Variants in IQGAP2 observed in about 807,000 individuals in gnomAD.
IQGAP2 encodes ras GTPase-activating-like protein IQGAP2.
IQGAP2 carries 173 observed loss-of-function variants against 201.3 expected under a neutral mutation model. That is an observed-to-expected ratio of 0.86 (90% CI 0.76 to 0.98). IQGAP2 has a LOEUF of 0.98. Among genes scored for constraint, IQGAP2 ranks in the 50% least tolerant of loss-of-function variants. The probability of loss-of-function intolerance (pLI) is 0.00; values close to 1 mark genes in which losing one functional copy is unlikely to be tolerated. For missense variants in IQGAP2, 1,687 were observed against 1,864.8 expected (o/e 0.90, Z 1.76); for synonymous variants, 675 against 673.9 (o/e 1.00, Z -0.03).
chr5:76,536,365 C>G (rs1054006413), intron 2 of IQGAP2, among the ~76,000 whole-genome samples: 7 of 150,588 alleles, frequency 4.6e-5, no homozygotes, highest in African/African-American at 1.7e-4. Context: ...GCTACCACGC[C>G]TGGCTTCCAG....
chr5:76,680,158 A>G (rs138873681), intron 28 of IQGAP2, among the ~76,000 whole-genome samples: 424 of 152,354 alleles, frequency 2.8e-3, no homozygotes, highest in African/African-American at 9.7e-3. Context: ...ATAAAGACTA[A>G]TGGGATAGAA....
At chr5:76,467,463 G>A (rs185648364) in intron 2 of IQGAP2, among the ~76,000 whole-genome samples, 9 of 152,212 alleles carry the variant, frequency 5.9e-5, no homozygotes, top group South Asian at 4.1e-4. Flanking sequence ...ACCCACCAGC[G>A]TAGCTATAAT....
At chr5:76,519,884 C>G (rs1758560598) in intron 2 of IQGAP2, among the ~76,000 whole-genome samples, 1 of 152,064 alleles carries the variant, frequency 6.6e-6, no homozygotes, top group Admixed American at 6.5e-5. Flanking sequence ...CTTTAAAATT[C>G]GGCTTTCTTA....
chr5:76,481,213 T>C (rs1307892084), intron 2 of IQGAP2, among the ~76,000 whole-genome samples: 1 of 152,130 alleles, frequency 6.6e-6, no homozygotes, highest in Non-Finnish European at 1.5e-5. Flanking sequence ...CAATATTGTC[T>C]CTACCGGGGC....
chr5:76,613,869 A>G (rs763630009), intron 13 of IQGAP2, among the ~76,000 whole-genome samples: 24 of 151,996 alleles, frequency 1.6e-4, no homozygotes, highest in Admixed American at 1.2e-3. Flanking sequence ...TAATTTTTGT[A>G]TTTTGTAGAG....
At chr5:76,494,291 A>C (rs976581742) in intron 2 of IQGAP2, among the ~76,000 whole-genome samples, 3 of 152,208 alleles carry the variant, frequency 2.0e-5, no homozygotes, top group Non-Finnish European at 4.4e-5. Context: ...TTTGAAAGCG[A>C]CTTTTCAAAT....
At chr5:76,598,578 G>T (rs964889507) in intron 10 of IQGAP2, among the ~76,000 whole-genome samples, 14 of 152,188 alleles carry the variant, frequency 9.2e-5, no homozygotes, top group African/African-American at 3.1e-4. Flanking sequence ...CGTAGGGATA[G>T]ATATGGGGCC....
intron 2 of IQGAP2, among the ~76,000 whole-genome samples, chr5:76,512,880 C>T (rs1258683310): frequency 6.6e-6 from 1 of 152,094 alleles, no homozygotes; most frequent in Non-Finnish European, 1.5e-5. Flanking sequence ...CATGGCAAAA[C>T]CCCATCTCTA....
chr5:76,581,278 A>G (rs1299691231), intron 5 of IQGAP2, among the ~76,000 whole-genome samples: 1 of 152,224 alleles, frequency 6.6e-6, no homozygotes, highest in Non-Finnish European at 1.5e-5. Flanking sequence ...TTCCTTCCCT[A>G]AGAAACTGAT....
At chr5:76,426,701 C>T (rs548379969) in intron 1 of IQGAP2, among the ~76,000 whole-genome samples, 23 of 152,232 alleles carry the variant, frequency 1.5e-4, no homozygotes, top group African/African-American at 4.8e-4. Flanking sequence ...GGGCGCTGGA[C>T]GAGAGGATCA....
intron 1 of IQGAP2, among the ~76,000 whole-genome samples, chr5:76,422,563 A>G (rs1166729990): frequency 1.3e-5 from 2 of 152,204 alleles, no homozygotes; most frequent in Non-Finnish European, 2.9e-5. Context: ...ACAAGAGAAA[A>G]TGTTGGCTCT....
intron 15 of IQGAP2, among the ~76,000 whole-genome samples, chr5:76,634,756 C>G (rs1296214172): frequency 6.6e-6 from 1 of 152,184 alleles, no homozygotes. Flanking sequence ...GAAACATCTA[C>G]CATTTGGTGG....
intron 2 of IQGAP2, among the ~76,000 whole-genome samples, chr5:76,469,399 A>ATTT (rs747233500): frequency 6.8e-6 from 1 of 146,784 alleles, no homozygotes; most frequent in Non-Finnish European, 1.5e-5. Context: ...CAAAAAATGA[A>ATTT]TTTTTTTTTT....
chr5:76,463,513 T>C (rs1754606815), intron 2 of IQGAP2, among the ~76,000 whole-genome samples: 1 of 152,238 alleles, frequency 6.6e-6, no homozygotes, highest in African/African-American at 2.4e-5. Context: ...GAAAGTATTC[T>C]GTAAGCTATA....
At chr5:76,484,704 G>A (rs945243717) in intron 2 of IQGAP2, among the ~76,000 whole-genome samples, 1 of 152,182 alleles carries the variant, frequency 6.6e-6, no homozygotes, top group African/African-American at 2.4e-5. Flanking sequence ...AGGCTGGAGT[G>A]CAGTGGCTCA....
intron 33 of IQGAP2, among the ~76,000 whole-genome samples, chr5:76,698,761 G>A (rs1746986144): frequency 6.6e-6 from 1 of 152,070 alleles, no homozygotes; most frequent in South Asian, 2.1e-4. Context: ...ATTTAAATAT[G>A]TAGTACAATA....
chr5:76,532,348 T>G (rs1402745037), intron 2 of IQGAP2, among the ~76,000 whole-genome samples: 1 of 151,958 alleles, frequency 6.6e-6, no homozygotes, highest in Non-Finnish European at 1.5e-5. Flanking sequence ...CATTATAAGA[T>G]GAAAAAGAAA....
intron 2 of IQGAP2, among the ~76,000 whole-genome samples, chr5:76,553,418 A>G (rs1743698152): frequency 6.6e-6 from 1 of 152,220 alleles, no homozygotes; most frequent in Non-Finnish European, 1.5e-5. Flanking sequence ...CTTGGCCAGC[A>G]GTTCTACCGT....
chr5:76,626,169 A>G (rs1197201680), intron 13 of IQGAP2, among the ~76,000 whole-genome samples: 2 of 151,136 alleles, frequency 1.3e-5, no homozygotes, highest in Admixed American at 6.6e-5. Context: ...CACCTTTACC[A>G]TAGGTTAACC....
Sources: allele counts gnomAD v4.1 joint callset (sites outside exome capture counted in the v4.1 genomes callset), GRCh38; gene constraint gnomAD v4.1.1; transcripts MANE v1.5; gene names NCBI Gene and HGNC (gene_info 2026-07-23, HGNC 2026-07-21).